PARP8: variants seen among roughly 807,000 people sequenced by gnomAD.
PARP8 encodes the protein protein mono-ADP-ribosyltransferase PARP8.
PARP8 carries 51 observed loss-of-function variants against 124.1 expected under a neutral mutation model. That is an observed-to-expected ratio of 0.41 (90% CI 0.33 to 0.52). The LOEUF (loss-of-function observed/expected upper bound fraction) is 0.52. PARP8 is among the 20% of genes least tolerant of loss of function. PARP8 has a pLI of 0.21. For missense variants in PARP8, 860 were observed against 1,018.9 expected (o/e 0.84, Z 2.12); for synonymous variants, 391 against 361.5 (o/e 1.08, Z -0.93).
intron 2 of PARP8, among the ~76,000 whole-genome samples, chr5:50,675,589 G>A (rs1256857391): frequency 1.3e-5 from 2 of 152,244 alleles, no homozygotes; most frequent in East Asian, 1.9e-4. Context: ...GATTACGGGC[G>A]TGAGCCAGCC....
chr5:50,839,684 C>CTG (rs1747964059), intron 25 of PARP8, among the ~76,000 whole-genome samples: 5 of 151,488 alleles, frequency 3.3e-5, no homozygotes. Context: ...CTCTCTCTCT[C>CTG]TCTCTCTAGT....
chr5:50,799,716 ATGTGAT>A (rs1265457311), intron 14 of PARP8, among the ~76,000 whole-genome samples: 1 of 152,156 alleles, frequency 6.6e-6, no homozygotes, highest in Non-Finnish European at 1.5e-5. Flanking sequence ...CCTAACTCCC[ATGTGAT>A]GGTGTTAGGA....
In PARP8 at chr5:50,797,140, A is replaced by C. The variant is rs1742651832; in HGVS notation, c.1482A>C (p.Thr494=). 1 of 1,613,104 alleles carries C rather than the reference A, an allele frequency of 6.2e-7. No individual in the cohort carries two copies. The highest frequency in any genetic ancestry group is 8.5e-7 in the Non-Finnish European group (1 of 1,179,396). ...TTTTTCCTTACTGTTTTATTCAGAC[A>C]ATTGAGTTTGCTGAACAGCGGATCC... ...PVRDRGFLVQ[T]IEFAEQRIPV... The change falls in exon 14 of 26, where the codon ACA becomes ACC. Residue 494 remains threonine (T), a splice_region_variant and synonymous_variant. Transcript: ENST00000281631.
chr5:50,754,166 C>G (rs1759629614), intron 3 of PARP8, among the ~76,000 whole-genome samples: 1 of 80,076 alleles, frequency 1.2e-5, no homozygotes, highest in Non-Finnish European at 2.3e-5. Context: ...CACACACACA[C>G]ACACACACAC....
chr5:50,759,881 A>T, intron 4 of PARP8, 149 bp downstream of exon 4: 1 of 1,006,500 alleles, frequency 9.9e-7, no homozygotes, highest in Non-Finnish European at 1.3e-6. Context: ...TATCTAAAGT[A>T]CATTTTTTAA....
At chr5:50,810,175 G>A (rs549520794) in intron 14 of PARP8, among the ~76,000 whole-genome samples, 1 of 151,836 alleles carries the variant, frequency 6.6e-6, no homozygotes, top group Non-Finnish European at 1.5e-5. Context: ...AAATATGTAC[G>A]TGTTGATAAT....
rs915396429 is a variant in PARP8 at position 50,831,036 on chromosome 5, A to G, written c.2233+1075A>G. On this transcript the variant is annotated intron_variant, in intron 22 of 25. Coordinates refer to ENST00000281631, the MANE Select transcript of PARP8 (RefSeq NM_024615.4). The stretch of plus-strand genomic sequence containing the variant: ...TCCAACCATAACAAGTTGTTTCTCA[A>G]TGATAGGAAACTTGGAACGCTTAAA... Among the ~76,000 whole-genome samples the G allele has an allele frequency of 3.3e-5, 5 of 152,338 alleles. 1 individual carries two copies. In the South Asian group the frequency reaches 1.0e-3, roughly 32 times the overall value.
chr5:50,680,935 C>G (rs1334733846), intron 2 of PARP8, among the ~76,000 whole-genome samples: 1 of 152,150 alleles, frequency 6.6e-6, no homozygotes, highest in African/African-American at 2.4e-5. Flanking sequence ...TGTTACCCTA[C>G]TTGACAAGGC....
intron 3 of PARP8, among the ~76,000 whole-genome samples, chr5:50,754,438 G>A (rs889051158): frequency 2.6e-5 from 4 of 151,532 alleles, no homozygotes; most frequent in African/African-American, 9.7e-5. Context: ...GTGGTGTTTG[G>A]TTTTTTGTCC....
intron 2 of PARP8, among the ~76,000 whole-genome samples, chr5:50,681,195 T>C (rs532004858): frequency 5.3e-5 from 8 of 152,146 alleles, no homozygotes; most frequent in African/African-American, 1.9e-4. Flanking sequence ...TGACAAGAAC[T>C]TAATGAATCT....
intron 2 of PARP8, among the ~76,000 whole-genome samples, chr5:50,709,441 T>C (rs1357137532): frequency 2.0e-5 from 3 of 152,104 alleles, no homozygotes; most frequent in Admixed American, 6.6e-5. Flanking sequence ...TTAAGTTTCT[T>C]CTGTTCCTTT....
At chr5:50,821,497 C>T (rs1027878075) in intron 16 of PARP8, among the ~76,000 whole-genome samples, 159 bp downstream of exon 16, 4 of 152,022 alleles carry the variant, frequency 2.6e-5, no homozygotes, top group Admixed American at 6.5e-5. Flanking sequence ...TTGGGGATTC[C>T]GACTTACATA....
chr5:50,785,385 A>G (rs550851363), intron 9 of PARP8, among the ~76,000 whole-genome samples: 3 of 152,132 alleles, frequency 2.0e-5, no homozygotes, highest in East Asian at 1.9e-4. Context: ...TATCATACGC[A>G]GTTTTCTCCG....
chr5:50,714,084 C>CTTTT (rs34294100), intron 2 of PARP8, among the ~76,000 whole-genome samples: 1 of 137,802 alleles, frequency 7.3e-6, no homozygotes, highest in Non-Finnish European at 1.6e-5. Context: ...TTCTTTCTTT[C>CTTTT]TTTTTTTTTT....
At chr5:50,761,136 T>G (rs1377406378) in intron 5 of PARP8, among the ~76,000 whole-genome samples, 3 of 152,118 alleles carry the variant, frequency 2.0e-5, no homozygotes, top group Admixed American at 1.3e-4. Flanking sequence ...ACTGGATGAA[T>G]GGATTCCTGT....
At position 50,842,083 on chromosome 5, in the gene PARP8, AT is replaced by A. The variant is rs1262159659; in HGVS notation, c.*17del. On this transcript the variant is annotated 3_prime_UTR_variant, in exon 26 of 26. Transcript: ENST00000281631. ...CTACTGGTTAAAGGACCACCATTTA[AT>A]TAACATGATTCGAAAGCCTTCCTCG... 2.6e-6 allele frequency: 4 copies of A among 1,542,892 alleles called. No individual in the cohort carries two copies. The highest frequency in any genetic ancestry group is 1.8e-6 in the Non-Finnish European group (2 of 1,124,268).
intron 17 of PARP8, among the ~76,000 whole-genome samples, chr5:50,824,172 T>C (rs1219357941): frequency 6.6e-6 from 1 of 152,230 alleles, no homozygotes; most frequent in African/African-American, 2.4e-5. Context: ...TCCAATTTTT[T>C]AATGTAAAGG....
At chr5:50,762,209 T>C (rs282546) in intron 6 of PARP8, among the ~76,000 whole-genome samples, 53,804 of 151,952 alleles carry the variant, frequency 0.35, 10,910 homozygotes, top group Non-Finnish European at 0.44. Context: ...TCAGTCACTA[T>C]TCTGAGATAA....
chr5:50,728,082 A>G (rs1203198748), intron 2 of PARP8, among the ~76,000 whole-genome samples: 2 of 152,176 alleles, frequency 1.3e-5, no homozygotes, highest in Admixed American at 1.3e-4. Context: ...TAATTTTTGA[A>G]TTCAAAATTC....
Sources: allele counts gnomAD v4.1 joint callset (sites outside exome capture counted in the v4.1 genomes callset), GRCh38; gene constraint gnomAD v4.1.1; transcripts MANE v1.5; gene names NCBI Gene and HGNC (gene_info 2026-07-23, HGNC 2026-07-21).